Variants in APOBEC3F observed in about 807,000 individuals in gnomAD.
APOBEC3F encodes the protein apolipoprotein B mRNA editing enzyme catalytic subunit 3F.
APOBEC3F carries 34 observed loss-of-function variants against 45.8 expected under a neutral mutation model. The observed-to-expected ratio is 0.74, with a 90% confidence interval of 0.57 to 0.99. The LOEUF (loss-of-function observed/expected upper bound fraction) is 0.99. Among genes scored for constraint, APOBEC3F ranks in the 50% least tolerant of loss-of-function variants. The pLI is 0.00. For missense variants in APOBEC3F, 459 were observed against 474.1 expected (o/e 0.97, Z 0.30); for synonymous variants, 192 against 174.4 (o/e 1.10, Z -0.80).
Position 39,053,333 on chromosome 22 carries a change from G to A in APOBEC3F, c.*638G>A, listed in dbSNP as rs991020840. 6.6e-6 allele frequency: 1 copy of A among 151,862 alleles called. No individual in the cohort carries two copies. Among genetic ancestry groups the A allele is most frequent in the Non-Finnish European group, 1.5e-5 (1 of 67,992 alleles). The allele number at this position is 151,862 out of a possible 1,614,324, so 9.4% of individuals were successfully genotyped here. Reference sequence around the variant, plus strand: ...TTATTAAACTCACCCTAGGCTGGCCGCGGTGACTCATGCCTATAATCCCCC... The same window carrying A: ...TTATTAAACTCACCCTAGGCTGGCCACGGTGACTCATGCCTATAATCCCCC... On this transcript the variant is annotated 3_prime_UTR_variant, in exon 7 of 7. Transcript: ENST00000308521.
chr22:39,045,585 T>A (rs751284132), intron 4 of APOBEC3F, 43 bp downstream of exon 4: 6 of 1,612,582 alleles, frequency 3.7e-6, no homozygotes, highest in Non-Finnish European at 5.1e-6. Context: ...TCCTCTCGCC[T>A]CCTGCTCATC....
At position 39,054,977 on chromosome 22, in the gene APOBEC3F, G is replaced by T. The variant is rs868167468; in HGVS notation, c.*2282G>T. Among the ~76,000 whole-genome samples the T allele has an allele frequency of 6.6e-6, 1 of 152,094 alleles. No individual in the cohort carries two copies. The highest frequency in any genetic ancestry group is 2.4e-5 in the African/African-American group (1 of 41,402). On this transcript the variant is annotated 3_prime_UTR_variant, in exon 7 of 7. Transcript: ENST00000308521. ...CGGCGGGGTTGTTTGCTCTGAGGCC[G>T]CTCCTCCTGGATGGCAGGGATCCCT...
At chr22:39,051,311 G>A (rs556834660) in intron 5 of APOBEC3F, among the ~76,000 whole-genome samples, 1 of 152,102 alleles carries the variant, frequency 6.6e-6, no homozygotes, top group South Asian at 2.1e-4. Flanking sequence ...GGCCAAGGCG[G>A]GGGATCACGA....
At chr22:39,046,251 A>T (rs934862553) in intron 4 of APOBEC3F, among the ~76,000 whole-genome samples, 4 of 152,182 alleles carry the variant, frequency 2.6e-5, no homozygotes, top group African/African-American at 9.7e-5. Context: ...CCATGAGTTA[A>T]TTTAATCACC....
At chr22:39,048,258 CTG>C (rs1233607282) in intron 4 of APOBEC3F, among the ~76,000 whole-genome samples, 3 of 152,242 alleles carry the variant, frequency 2.0e-5, no homozygotes, top group African/African-American at 7.2e-5. Context: ...ATCCCCATCT[CTG>C]TGGCCTGGGC....
rs9622912 is a variant in APOBEC3F, at chr22:39,048,579, G to A, written c.567-846G>A. On this transcript the variant is annotated intron_variant, in intron 4 of 6. Transcript: ENST00000308521. ...AATCCCAGCACTTTGGGAGGCAGGC[G>A]GGCAGATCACAAGGTCAGGAGTTCA... Among the ~76,000 whole-genome samples the A allele has an allele frequency of 8.0e-3, 1,213 of 152,250 alleles. 12 individuals are homozygous for A. The highest frequency in any genetic ancestry group is 0.019 in the African/African-American group (805 of 41,564).
chr22:39,045,412 T>C lies in APOBEC3F; in HGVS notation c.452-16T>C. On this transcript the variant is annotated splice_polypyrimidine_tract_variant and intron_variant, in intron 3 of 6. Coordinates refer to ENST00000308521, the MANE Select transcript of APOBEC3F (RefSeq NM_145298.6). ...GTCAGGGCAGAGCCTGACTGCTTCC[T>C]GCCTCTTCGTCTCAGAATTTGCATA... 1.2e-6 allele frequency: 2 copies of C among 1,614,052 alleles called. No individual in the cohort carries two copies. Among genetic ancestry groups the C allele is most frequent in the African/African-American group, 1.3e-5 (1 of 75,036 alleles).
chr22:39,049,586 C>A lies in APOBEC3F; in HGVS notation c.723+5C>A, dbSNP rs773182647. The stretch of plus-strand genomic sequence containing the variant: ...AGGGGCGTCTTCCGAAACCAGGTAG[C>A]ACCAAAGTCCTATTTACACCCCAAA... On this transcript the variant is annotated splice_donor_5th_base_variant and intron_variant, in intron 5 of 6. Transcript: ENST00000308521. 6.2e-7 allele frequency: 1 copy of A among 1,613,846 alleles called. No homozygotes were observed.
chr22:39,052,458 G>T lies in APOBEC3F; in HGVS notation c.1003+105G>T, dbSNP rs1215177283. The T allele has an allele frequency of 3.2e-6, 5 of 1,575,034 alleles. No homozygotes were observed. In the East Asian group the frequency reaches 1.1e-4, roughly 35 times the overall value. ...GGGGCAGTGTCCCGGGAAGCCTGCA[G>T]GGATGGCGCCAGTGTCCACTGCAAC... On this transcript the variant is annotated intron_variant, in intron 6 of 6. Transcript: ENST00000308521.
rs566918675 is a variant in APOBEC3F, at chr22:39,049,567, G to A, written c.709G>A (p.Val237Ile). 13 of 1,614,044 alleles carry A rather than the reference G, an allele frequency of 8.1e-6. 1 individual carries two copies. The highest frequency in any genetic ancestry group is 3.3e-5 in the South Asian group (3 of 91,064). Residue 237 changes from valine (V) to isoleucine (I), a missense_variant, in exon 5 of 7, where the codon GTC becomes ATC. Physicochemically the swap from Val to Ile is conservative, Grantham distance 29. Transcript: ENST00000308521. Reference protein sequence around the residue: ...HHSPVSWKRGVFRNQVDPETH... With the variant: ...HHSPVSWKRGIFRNQVDPETH... ...CTCACCTGTCTCCTGGAAGAGGGGC[G>A]TCTTCCGAAACCAGGTAGCACCAAA...
intron 4 of APOBEC3F, among the ~76,000 whole-genome samples, chr22:39,046,073 G>A (rs753182229): frequency 3.9e-5 from 6 of 152,140 alleles, no homozygotes; most frequent in Admixed American, 1.3e-4. Flanking sequence ...AGGGGTGGGC[G>A]GGGTTGTGTC....
chr22:39,046,913 A>G (rs1236090490), intron 4 of APOBEC3F, among the ~76,000 whole-genome samples: 1 of 152,150 alleles, frequency 6.6e-6, no homozygotes, highest in Non-Finnish European at 1.5e-5. Context: ...CAATAGAAAA[A>G]GGCAACCAGA....
chr22:39,046,239 G>C (rs1447912870), intron 4 of APOBEC3F, among the ~76,000 whole-genome samples: 1 of 152,164 alleles, frequency 6.6e-6, no homozygotes, highest in Non-Finnish European at 1.5e-5. Context: ...CCACCCTAAG[G>C]GCCATGAGTT....
At position 39,053,089 on chromosome 22, in the gene APOBEC3F, C is replaced by G. The variant is rs1927577274; in HGVS notation, c.*394C>G. 1 of 158,160 alleles carries G rather than the reference C, an allele frequency of 6.3e-6. No homozygotes were observed. The highest frequency in any genetic ancestry group is 1.4e-5 in the Non-Finnish European group (1 of 72,390). 9.8% of individuals were successfully genotyped at this position (158,160 alleles called of 1,614,324 possible). A position where few individuals can be genotyped will look rare whatever the true frequency, so the allele number is the denominator to read the frequency against. On this transcript the variant is annotated 3_prime_UTR_variant, in exon 7 of 7. Transcript: ENST00000308521. ...GCAAACTCTGCCTACCAGGTTCAAG[C>G]GATTCTCCTGCCTCCGCCTCCCGAG...
chr22:39,052,727 T>C lies in APOBEC3F; in HGVS notation c.*32T>C. 1.3e-6 allele frequency: 2 copies of C among 1,595,812 alleles called. No individual in the cohort carries two copies. Among genetic ancestry groups the C allele is most frequent in the Non-Finnish European group, 8.5e-7 (1 of 1,171,376 alleles). ...TCCCCGGGCCTCATGGTCTGTCTCC[T>C]CTAGCCTCCTGCTCATGTTGTGCAG... On this transcript the variant is annotated 3_prime_UTR_variant, in exon 7 of 7. Coordinates refer to ENST00000308521, the MANE Select transcript of APOBEC3F (RefSeq NM_145298.6).
chr22:39,051,185 C>G (rs948548078), intron 5 of APOBEC3F, among the ~76,000 whole-genome samples: 5 of 147,940 alleles, frequency 3.4e-5, no homozygotes, highest in African/African-American at 1.2e-4. Context: ...TGCAGTGAGC[C>G]GAGATCTTGC....
At chr22:39,041,681 T>C (rs907161821) in intron 1 of APOBEC3F, among the ~76,000 whole-genome samples, 2 of 152,002 alleles carry the variant, frequency 1.3e-5, no homozygotes, top group African/African-American at 2.4e-5. Context: ...CTGATCAACA[T>C]GGATAAACCC....
rs138928822 is a variant in APOBEC3F at position 39,047,396 on chromosome 22, C to T, written c.566+1854C>T. Among the ~76,000 whole-genome samples the T allele has an allele frequency of 8.8e-3, 1,346 of 152,152 alleles. 16 individuals are homozygous for T. Among genetic ancestry groups the T allele is most frequent in the African/African-American group, 0.031 (1,285 of 41,514 alleles). ...GATGGGCCTGTGAGGTCACTCACAG[C>T]GCAGGTGTCTCCTGGAACAAGGGCC... On this transcript the variant is annotated intron_variant, in intron 4 of 6. Transcript: ENST00000308521.
intron 5 of APOBEC3F, among the ~76,000 whole-genome samples, chr22:39,051,185 C>T (rs948548078): frequency 4.1e-5 from 6 of 147,958 alleles, no homozygotes; most frequent in South Asian, 4.3e-4. Context: ...TGCAGTGAGC[C>T]GAGATCTTGC....
Sources: allele counts gnomAD v4.1 joint callset (sites outside exome capture counted in the v4.1 genomes callset), GRCh38; gene constraint gnomAD v4.1.1; transcripts MANE v1.5; gene names NCBI Gene and HGNC (gene_info 2026-07-23, HGNC 2026-07-21).